TRIM2: variants seen among roughly 807,000 people sequenced by gnomAD.
TRIM2 encodes tripartite motif containing 2, also known as tripartite motif-containing protein 2.
Under a neutral mutation model 75.2 loss-of-function variants are expected in TRIM2, and 20 were observed. That is an observed-to-expected ratio of 0.27 (90% CI 0.19 to 0.39). The LOEUF is 0.39. Ranked by LOEUF, TRIM2 falls within the 10% of genes least tolerant of loss-of-function variation. The pLI, the probability that TRIM2 is intolerant of heterozygous loss-of-function variation, is 1.00. For missense variants in TRIM2, 660 were observed against 990.8 expected, an observed-to-expected ratio of 0.67 and a Z score of 4.48; for synonymous variants, 373 against 388.3, an observed-to-expected ratio of 0.96 and a Z score of 0.46.
chr4:153,322,180 T>G (rs1456511502), intron 8 of TRIM2, among the ~76,000 whole-genome samples: 1 of 151,704 alleles, frequency 6.6e-6, no homozygotes, highest in Non-Finnish European at 1.5e-5. Flanking sequence ...GAGGTCGAGG[T>G]GGGTGGATCA....
rs557766919 is a variant in TRIM2 at position 153,308,283 on chromosome 4, G to A, written c.1511-7202G>A. 9.3e-5 allele frequency: 144 copies of A among 1,547,358 alleles called. 2 individuals are homozygous for A. In the South Asian group the frequency reaches 9.5e-4, roughly 10 times the overall value. ...CTTGCAGAAGTCACCAGATGTGTCC[G>A]AAATAATGTCCTTCTCCAGATCAGT... On this transcript the variant is annotated intron_variant, in intron 6 of 11. Transcript: ENST00000338700.
At chr4:153,171,769 A>G (rs1464258401) in intron 1 of TRIM2, among the ~76,000 whole-genome samples, 2 of 151,682 alleles carry the variant, frequency 1.3e-5, no homozygotes, top group Admixed American at 1.3e-4. Flanking sequence ...TTCAGTGTCA[A>G]CAGTTACCAA....
rs547303222 is a variant in TRIM2, at chr4:153,315,472, T to C, written c.1511-13T>C. The C allele has an allele frequency of 4.5e-5, 71 of 1,583,536 alleles. No homozygotes were observed. The highest frequency in any genetic ancestry group is 5.8e-5 in the Non-Finnish European group (68 of 1,166,744). Reference sequence around the variant, plus strand: ...TTAGTGCTTAATTTTTATGATTTTATCATTTATTTTAGGTACCAAAGGAAG... The same window carrying C: ...TTAGTGCTTAATTTTTATGATTTTACCATTTATTTTAGGTACCAAAGGAAG... On this transcript the variant is annotated splice_polypyrimidine_tract_variant and intron_variant, in intron 6 of 11. Transcript: ENST00000338700.
intron 1 of TRIM2, among the ~76,000 whole-genome samples, chr4:153,269,192 AG>A (rs1179942042): frequency 6.6e-6 from 1 of 152,220 alleles, no homozygotes; most frequent in African/African-American, 2.4e-5. Flanking sequence ...TACATTATCA[AG>A]GGCTTCACAA....
intron 1 of TRIM2, among the ~76,000 whole-genome samples, chr4:153,247,995 G>GTTTTTTTTTT: frequency 7.8e-6 from 1 of 128,742 alleles, no homozygotes; most frequent in African/African-American, 3.0e-5. Flanking sequence ...TGGATCATGT[G>GTTTTTTTTTT]TTTTTTTTTT....
At position 153,232,915 on chromosome 4, in the gene TRIM2, G is replaced by C. The variant is rs1020144208; in HGVS notation, c.30+28355G>C. ...CAAAGGCAGCAGGGGGAGACTCAGAGCTGCAGGTGCTGAATTGGAGGTGGT... is the reference window on the plus strand; with the variant it reads ...CAAAGGCAGCAGGGGGAGACTCAGACCTGCAGGTGCTGAATTGGAGGTGGT... On this transcript the variant is annotated intron_variant, in intron 1 of 11. Coordinates refer to ENST00000338700, the MANE Select transcript of TRIM2 (RefSeq NM_015271.5). Among the ~76,000 whole-genome samples the C allele has an allele frequency of 7.9e-5, 12 of 152,290 alleles. 1 individual carries two copies. The East Asian group carries it at 2.3e-3, about 29-fold the overall frequency.
chr4:153,279,379 G>C (rs1402050373), intron 3 of TRIM2, among the ~76,000 whole-genome samples: 1 of 152,150 alleles, frequency 6.6e-6, no homozygotes, highest in Non-Finnish European at 1.5e-5. Context: ...GCAAGTTCCT[G>C]CCCTACAATG....
chr4:153,256,288 C>T (rs1257988309), intron 1 of TRIM2, among the ~76,000 whole-genome samples: 2 of 152,244 alleles, frequency 1.3e-5, no homozygotes, highest in Admixed American at 1.3e-4. Flanking sequence ...CCTCCTCCTA[C>T]TACCACCAAA....
chr4:153,295,636 C>G lies in TRIM2; in HGVS notation c.1110C>G (p.Pro370=), dbSNP rs1579434513. ...EGLRQTIIGQ[P]MSVTITTKDK... Reference sequence around the variant, plus strand: ...TGCGGCAGACCATCATCGGGCAGCCCATGTCCGTCACCATCACCACCAAGG... The same window carrying G: ...TGCGGCAGACCATCATCGGGCAGCCGATGTCCGTCACCATCACCACCAAGG... The change falls in exon 6 of 12, where the codon CCC becomes CCG. Residue 370 remains proline (P), a synonymous_variant. Coordinates refer to ENST00000338700, the MANE Select transcript of TRIM2 (RefSeq NM_015271.5). This position sits in a 1 kb window ranked among gnomAD's most constrained non-coding sequence, Gnocchi z 7.2. 20 of 1,613,950 alleles carry G rather than the reference C, an allele frequency of 1.2e-5. No individual in the cohort carries two copies. Among genetic ancestry groups the G allele is most frequent in the Non-Finnish European group, 1.4e-5 (17 of 1,180,000 alleles).
chr4:153,336,242 T>C lies in TRIM2; in HGVS notation c.*1276T>C. On this transcript the variant is annotated 3_prime_UTR_variant, in exon 12 of 12. Coordinates refer to ENST00000338700, the MANE Select transcript of TRIM2 (RefSeq NM_015271.5). ...TTCAGCACATTCCTTTACTAAGCAG[T>C]TTAAAGCCGTCCTAGTGGAGCAAGC... The C allele has an allele frequency of 2.0e-6, 2 of 985,444 alleles. No individual in the cohort carries two copies. Among genetic ancestry groups the C allele is most frequent in the Non-Finnish European group, 2.4e-6 (2 of 829,874 alleles). The allele number at this position is 985,444 out of a possible 1,614,324, so 61.0% of individuals were successfully genotyped here.
intron 1 of TRIM2, among the ~76,000 whole-genome samples, chr4:153,188,016 A>G (rs922756087): frequency 2.6e-5 from 4 of 152,234 alleles, no homozygotes; most frequent in African/African-American, 9.6e-5. Context: ...AGGAGGAAGT[A>G]GAATCTAGAA....
chr4:153,238,951 A>G (rs1473604800), intron 1 of TRIM2, among the ~76,000 whole-genome samples: 1 of 152,166 alleles, frequency 6.6e-6, no homozygotes, highest in Non-Finnish European at 1.5e-5. Flanking sequence ...CCCCACTGTG[A>G]CGGTATTTGG....
intron 1 of TRIM2, among the ~76,000 whole-genome samples, chr4:153,188,878 C>T (rs1255372142): frequency 6.6e-6 from 1 of 152,250 alleles, no homozygotes; most frequent in East Asian, 1.9e-4. Context: ...TTTTATTTCT[C>T]AAACTGTACA....
rs1024286548 is a variant in TRIM2 at position 153,267,290 on chromosome 4, G to A, written c.31-3045G>A. Among the ~76,000 whole-genome samples the A allele has an allele frequency of 2.0e-5, 3 of 152,104 alleles. No individual in the cohort carries two copies. The East Asian group carries it at 5.8e-4, about 29-fold the overall frequency. On this transcript the variant is annotated intron_variant, in intron 1 of 11. Coordinates refer to ENST00000338700, the MANE Select transcript of TRIM2 (RefSeq NM_015271.5). ...TAGTGAAAAGGCCATGGGTTTTAGA[G>A]ACATATACTCCTTGGATTTGCATTC...
At chr4:153,220,872 C>A (rs182534733) in intron 1 of TRIM2, among the ~76,000 whole-genome samples, 2 of 152,124 alleles carry the variant, frequency 1.3e-5, no homozygotes, top group Admixed American at 1.3e-4. Context: ...GAAATTGAAA[C>A]CCTCATACAT....
At chr4:153,169,581 TACAA>T (rs1730643911) in intron 1 of TRIM2, among the ~76,000 whole-genome samples, 1 of 152,204 alleles carries the variant, frequency 6.6e-6, no homozygotes, top group African/African-American at 2.4e-5. Context: ...TGTAAATATA[TACAA>T]CTGTATGTGT....
chr4:153,156,480 G>A (rs1398971792), intron 1 of TRIM2, among the ~76,000 whole-genome samples: 2 of 152,076 alleles, frequency 1.3e-5, no homozygotes, highest in African/African-American at 2.4e-5. Context: ...CCCCACATCC[G>A]CCACTCACAG....
intron 6 of TRIM2, among the ~76,000 whole-genome samples, chr4:153,301,836 G>A (rs1467301234): frequency 6.6e-6 from 1 of 152,120 alleles, no homozygotes; most frequent in Non-Finnish European, 1.5e-5. Context: ...TTCTGTACCA[G>A]TGGTCTATGT....
chr4:153,208,542 G>A (rs530512261), intron 1 of TRIM2, among the ~76,000 whole-genome samples: 97 of 151,878 alleles, frequency 6.4e-4, no homozygotes, highest in Non-Finnish European at 9.7e-4. Flanking sequence ...ATAATATCCC[G>A]TAGATGTGTC....
Sources: allele counts gnomAD v4.1 joint callset (sites outside exome capture counted in the v4.1 genomes callset), GRCh38; gene constraint gnomAD v4.1.1; non-coding constraint Gnocchi (gnomAD v3.1); transcripts MANE v1.5; gene names NCBI Gene and HGNC (gene_info 2026-07-23, HGNC 2026-07-21).